ST3GAL3: variants seen among roughly 807,000 people sequenced by gnomAD.
The protein encoded by ST3GAL3 is ST3 beta-galactoside alpha-2,3-sialyltransferase 3.
In ST3GAL3, 21 loss-of-function variants were observed where a neutral mutation model predicts 50.1. The observed-to-expected ratio is 0.42, with a 90% CI of 0.30 to 0.60. The LOEUF is 0.60. ST3GAL3 is among the 20% of genes least tolerant of loss of function. The pLI, the probability that ST3GAL3 is intolerant of heterozygous loss-of-function variation, is 0.19. For missense variants in ST3GAL3, 353 were observed against 489.4 expected (o/e 0.72, Z 2.63); for synonymous variants, 183 against 190.0 (o/e 0.96, Z 0.30).
chr1:43,893,211 T>C (rs1424561185), intron 5 of ST3GAL3, among the ~76,000 whole-genome samples: 1 of 152,230 alleles, frequency 6.6e-6, no homozygotes. Flanking sequence ...GAGAAATCCA[T>C]GCTGTGGTTG....
chr1:43,721,097 C>G (rs1284266373), intron 1 of ST3GAL3, among the ~76,000 whole-genome samples: 1 of 151,718 alleles, frequency 6.6e-6, no homozygotes, highest in Non-Finnish European at 1.5e-5. Context: ...AGTAAAAAAT[C>G]AGCCAGGTGT....
chr1:43,863,120 A>G (rs1301815046), intron 5 of ST3GAL3, among the ~76,000 whole-genome samples: 3 of 152,214 alleles, frequency 2.0e-5, no homozygotes, highest in Non-Finnish European at 2.9e-5. Context: ...TAAAAAACGC[A>G]GGCATGGTCC....
chr1:43,880,225 T>C (rs1334930431), intron 5 of ST3GAL3, among the ~76,000 whole-genome samples: 3 of 152,204 alleles, frequency 2.0e-5, no homozygotes, highest in Admixed American at 2.0e-4. Context: ...TGTTAAGTGC[T>C]AAAAGGTCAG....
intron 10 of ST3GAL3, 106 bp from the exon 11 acceptor site, chr1:43,920,676 C>G: frequency 6.2e-7 from 1 of 1,609,218 alleles, no homozygotes. Flanking sequence ...GGGCTCAGTC[C>G]TTGGGCATGG....
At chr1:43,890,065 A>C (rs2367805) in intron 5 of ST3GAL3, among the ~76,000 whole-genome samples, 2,220 of 152,344 alleles carry the variant, frequency 0.015, 29 homozygotes, top group Non-Finnish European at 0.019. Context: ...GTAGTAAACA[A>C]AGATCACACC....
intron 2 of ST3GAL3, among the ~76,000 whole-genome samples, chr1:43,751,321 T>G (rs1685982269): frequency 6.6e-6 from 1 of 152,174 alleles, no homozygotes; most frequent in African/African-American, 2.4e-5. Context: ...GAAGGCAATA[T>G]AATAGTGTGT....
In ST3GAL3 at chr1:43,814,929, A is replaced by G; in HGVS notation, c.205A>G (p.Lys69Glu). ...GGGCTTCCTCCTGAATCTGGACTCT[A>G]AACTGTGAGTAGAATGAGAAGATAC... is the stretch of plus-strand genomic sequence containing the variant. ...RLGFLLNLDS[K>E]LPAELATKYA... The change falls in exon 4 of 12, where the codon AAA becomes GAA. Residue 69 changes from lysine to glutamate, a missense_variant. Coordinates refer to ENST00000347631, the MANE Select transcript of ST3GAL3 (RefSeq NM_006279.5). The G allele has an allele frequency of 6.2e-7, 1 of 1,614,154 alleles. No individual in the cohort carries two copies. Among genetic ancestry groups the G allele is most frequent in the Non-Finnish European group, 8.5e-7 (1 of 1,179,996 alleles).
intron 9 of ST3GAL3, among the ~76,000 whole-genome samples, chr1:43,905,829 A>C (rs1442514615): frequency 6.1e-4 from 47 of 76,774 alleles, no homozygotes; most frequent in East Asian, 8.0e-4. Flanking sequence ...TCTTCCTACC[A>C]CTCTTCTTTC....
At chr1:43,880,514 C>T (rs1048116837) in intron 5 of ST3GAL3, among the ~76,000 whole-genome samples, 1 of 151,920 alleles carries the variant, frequency 6.6e-6, no homozygotes, top group Admixed American at 6.5e-5. Flanking sequence ...GTTACGCTGG[C>T]TGTCACCTAC....
chr1:43,769,803 C>T (rs970774022), intron 2 of ST3GAL3, among the ~76,000 whole-genome samples: 6 of 152,078 alleles, frequency 3.9e-5, no homozygotes, highest in Admixed American at 2.0e-4. Flanking sequence ...GTAGTTCAAG[C>T]TTGTTTTTAG....
At chr1:43,851,456 G>C in intron 5 of ST3GAL3, 1 of 1,608,902 alleles carries the variant, frequency 6.2e-7, no homozygotes, top group Admixed American at 1.7e-5. Context: ...TCTGACAGAG[G>C]GTCTCCAGCT....
chr1:43,752,708 G>C (rs1042948901), intron 2 of ST3GAL3, among the ~76,000 whole-genome samples: 12 of 152,180 alleles, frequency 7.9e-5, no homozygotes, highest in African/African-American at 2.4e-4. Context: ...CACCATGTTT[G>C]CCCAGGCTCG....
chr1:43,757,027 C>G (rs574102839), intron 2 of ST3GAL3, among the ~76,000 whole-genome samples: 1 of 152,202 alleles, frequency 6.6e-6, no homozygotes, highest in South Asian at 2.1e-4. Flanking sequence ...GCTCAGCACC[C>G]CCAAGTACCT....
chr1:43,822,520 C>G (rs989156249), intron 4 of ST3GAL3, among the ~76,000 whole-genome samples: 10 of 152,118 alleles, frequency 6.6e-5, no homozygotes, highest in African/African-American at 2.4e-4. Flanking sequence ...ACTCTTAACC[C>G]CCAGAGCCTT....
At chr1:43,842,123 G>C (rs148019668) in intron 5 of ST3GAL3, 10 of 152,266 alleles carry the variant, frequency 6.6e-5, no homozygotes, top group Admixed American at 3.3e-4. Flanking sequence ...CTGAGACCTT[G>C]TTGGCCTAGA....
intron 6 of ST3GAL3, among the ~76,000 whole-genome samples, chr1:43,897,878 G>A (rs985929128): frequency 6.6e-6 from 1 of 152,208 alleles, no homozygotes; most frequent in Non-Finnish European, 1.5e-5. Flanking sequence ...CCCATTCCAG[G>A]GAGACTGCGT....
chr1:43,736,500 C>G lies in ST3GAL3; in HGVS notation c.118+120C>G, dbSNP rs900243693. 3 of 1,588,906 alleles carry G rather than the reference C, an allele frequency of 1.9e-6. No homozygotes were observed. The African/African-American group carries it at 4.0e-5, about 21-fold the overall frequency. ...GGCAATGAGAGTAAACTGAACATTT[C>G]TGGGACTTTGGCCTAGAAATTGCCT... On this transcript the variant is annotated intron_variant, in intron 2 of 11. Coordinates refer to ENST00000347631, the MANE Select transcript of ST3GAL3 (RefSeq NM_006279.5).
At chr1:43,782,657 A>G (rs1699745068) in intron 2 of ST3GAL3, among the ~76,000 whole-genome samples, 2 of 152,216 alleles carry the variant, frequency 1.3e-5, no homozygotes. Flanking sequence ...TAAAAACACT[A>G]ACAGCAGCAT....
intron 4 of ST3GAL3, among the ~76,000 whole-genome samples, chr1:43,827,446 A>C (rs950144673): frequency 1.3e-5 from 2 of 152,192 alleles, no homozygotes; most frequent in African/African-American, 4.8e-5. Context: ...TAATGAAAGA[A>C]ATCAAAGAAA....
Sources: gnomAD v4.1 joint callset for allele counts (sites outside exome capture counted in the v4.1 genomes callset) on GRCh38, gnomAD v4.1.1 for gene constraint, MANE v1.5 for transcripts, NCBI Gene and HGNC (gene_info 2026-07-23, HGNC 2026-07-21) for gene names.